The following CYP39A1 variants were observed in gnomAD, a reference collection of about 807,000 sequenced individuals.
CYP39A1 encodes the protein cytochrome P450 family 39 subfamily A member 1.
In CYP39A1, 49 loss-of-function variants were observed where a neutral mutation model predicts 58.1. The observed-to-expected ratio is 0.84, with a 90% confidence interval of 0.67 to 1.07. The LOEUF (loss-of-function observed/expected upper bound fraction) is 1.07, where lower values mean the gene tolerates loss of function less well. Among genes scored for constraint, CYP39A1 ranks in the 50% least tolerant of loss-of-function variants. The pLI, the probability that CYP39A1 is intolerant of heterozygous loss-of-function variation, is 0.00. For missense variants in CYP39A1, 531 were observed against 539.4 expected, an observed-to-expected ratio of 0.98 and a Z score of 0.16; for synonymous variants, 209 against 187.6, an observed-to-expected ratio of 1.11 and a Z score of -0.93.
chr6:46,618,555 A>C (rs1378927496), intron 7 of CYP39A1, among the ~76,000 whole-genome samples: 2 of 152,042 alleles, frequency 1.3e-5, no homozygotes, highest in Non-Finnish European at 2.9e-5. Flanking sequence ...ACCATAGGCA[A>C]AAAAAATGCT....
At chr6:46,569,994 T>C (rs1352982963) in intron 10 of CYP39A1, among the ~76,000 whole-genome samples, 1 of 152,102 alleles carries the variant, frequency 6.6e-6, no homozygotes, top group Non-Finnish European at 1.5e-5. Flanking sequence ...TTCATGGGCT[T>C]TTCTTTGATA....
intron 6 of CYP39A1, among the ~76,000 whole-genome samples, chr6:46,630,098 A>AAAAAC (rs1166532942): frequency 2.0e-5 from 3 of 150,896 alleles, no homozygotes; most frequent in South Asian, 2.1e-4. Context: ...ACCATCTCAA[A>AAAAAC]AAAACAAAAC....
intron 10 of CYP39A1, among the ~76,000 whole-genome samples, chr6:46,568,305 T>C (rs1377780014): frequency 6.6e-6 from 1 of 152,164 alleles, no homozygotes; most frequent in South Asian, 2.1e-4. Flanking sequence ...ACTAATACCC[T>C]TATCAGATAT....
chr6:46,627,523 ATTC>A (rs1775394613), intron 6 of CYP39A1, among the ~76,000 whole-genome samples: 1 of 151,304 alleles, frequency 6.6e-6, no homozygotes, highest in African/African-American at 2.4e-5. Context: ...GGTTCACACC[ATTC>A]TTCTGCCTCA....
At chr6:46,581,666 G>C (rs931541196) in intron 10 of CYP39A1, among the ~76,000 whole-genome samples, 1 of 152,008 alleles carries the variant, frequency 6.6e-6, no homozygotes, top group Admixed American at 6.6e-5. Context: ...GCATGGGAGG[G>C]GGGTGAGGCA....
chr6:46,647,370 C>A (rs560473886), intron 1 of CYP39A1, among the ~76,000 whole-genome samples: 3 of 152,330 alleles, frequency 2.0e-5, no homozygotes, highest in African/African-American at 7.2e-5. Context: ...TAGATGACTA[C>A]AGGTAAGACT....
chr6:46,582,799 G>T (rs1203374098), intron 10 of CYP39A1, among the ~76,000 whole-genome samples: 1 of 151,886 alleles, frequency 6.6e-6, no homozygotes, highest in Non-Finnish European at 1.5e-5. Context: ...ACTTGGGTGG[G>T]AATATAACAT....
intron 1 of CYP39A1, among the ~76,000 whole-genome samples, chr6:46,645,146 G>A (rs541825587): frequency 1.3e-5 from 2 of 152,110 alleles, no homozygotes; most frequent in East Asian, 3.9e-4. Flanking sequence ...ATTTTGATGA[G>A]GTTCAATTTA....
Position 46,642,274 on chromosome 6 carries a change from C to T in CYP39A1, c.202G>A (p.Ala68Thr), listed in dbSNP as rs1776386806. The change falls in exon 2 of 12, where the codon GCT becomes ACT. Residue 68 changes from alanine (A) to threonine (T), a missense_variant. Physicochemically the swap from Ala to Thr is moderately conservative, Grantham distance 58. Coordinates refer to ENST00000275016, the MANE Select transcript of CYP39A1 (RefSeq NM_016593.5). The stretch of plus-strand genomic sequence containing the variant: ...ACAAAGGTCATTCGGTTTCCCATAG[C>T]AAAGACTGTAAATATTGGTCCATAC... Reference protein sequence around the residue: ...IKYGPIFTVFAMGNRMTFVTE... With the variant: ...IKYGPIFTVFTMGNRMTFVTE... 6.2e-7 allele frequency: 1 copy of T among 1,612,602 alleles called. No homozygotes were observed. Among genetic ancestry groups the T allele is most frequent in the African/African-American group, 1.3e-5 (1 of 74,974 alleles).
intron 7 of CYP39A1, among the ~76,000 whole-genome samples, chr6:46,597,010 A>G (rs530462017): frequency 3.9e-5 from 6 of 152,212 alleles, no homozygotes; most frequent in South Asian, 2.1e-4. Context: ...TGAGTGGGTA[A>G]GAGTAGAACT....
chr6:46,596,282 T>G (rs890344575), intron 7 of CYP39A1, among the ~76,000 whole-genome samples, 162 bp from the exon 8 acceptor site: 1 of 152,086 alleles, frequency 6.6e-6, no homozygotes, highest in East Asian at 1.9e-4. Flanking sequence ...CTCTTTTTCT[T>G]TATCACTTTT....
chr6:46,581,977 A>C (rs1384710391), intron 10 of CYP39A1, among the ~76,000 whole-genome samples: 1 of 152,204 alleles, frequency 6.6e-6, no homozygotes, highest in African/African-American at 2.4e-5. Context: ...AGAAGAGAGA[A>C]GCATGGCTAA....
Position 46,652,516 on chromosome 6 carries a change from G to A in CYP39A1, c.67C>T (p.Arg23Trp), listed in dbSNP as rs911600643. 6.2e-6 allele frequency: 10 copies of A among 1,613,700 alleles called. No individual in the cohort carries two copies. In the African/African-American group the frequency reaches 1.2e-4, roughly 19 times the overall value. ...CACGGGGGTCTACGCAAATTCTTCC[G>A]CTGAAGGAGTAAGAACAGAGCAAGG... ...GCLALFLLLQ[R>W]KNLRRPPCIK... Residue 23 changes from arginine to tryptophan, a missense_variant, in exon 1 of 12, where the codon CGG (arginine) becomes TGG (tryptophan). Coordinates refer to ENST00000275016, the MANE Select transcript of CYP39A1 (RefSeq NM_016593.5).
chr6:46,609,834 T>C (rs1256231308), intron 7 of CYP39A1, among the ~76,000 whole-genome samples: 1 of 152,268 alleles, frequency 6.6e-6, no homozygotes, highest in Non-Finnish European at 1.5e-5. Flanking sequence ...TTTGGGTTTG[T>C]TGTTTCTTAA....
At chr6:46,588,520 T>C (rs955649435) in intron 8 of CYP39A1, among the ~76,000 whole-genome samples, 1 of 152,102 alleles carries the variant, frequency 6.6e-6, no homozygotes, top group Non-Finnish European at 1.5e-5. Flanking sequence ...CCAGAGTTCT[T>C]GAAGGCAGAA....
At chr6:46,643,632 G>A (rs575490652) in intron 1 of CYP39A1, among the ~76,000 whole-genome samples, 1 of 152,326 alleles carries the variant, frequency 6.6e-6, no homozygotes, top group East Asian at 1.9e-4. Context: ...ATAAGCACCT[G>A]GCCACAAGTG....
intron 7 of CYP39A1, among the ~76,000 whole-genome samples, chr6:46,623,675 T>C (rs1447997835): frequency 6.6e-6 from 1 of 152,164 alleles, no homozygotes; most frequent in Non-Finnish European, 1.5e-5. Context: ...TTGGTTCCAT[T>C]TCTCTGGAGA....
chr6:46,625,742 A>G (rs562410843), intron 6 of CYP39A1, among the ~76,000 whole-genome samples: 2 of 152,148 alleles, frequency 1.3e-5, no homozygotes, highest in East Asian at 3.9e-4. Context: ...ATTTAACTAT[A>G]TAATTTAAAT....
rs575216986 is a variant in CYP39A1 at position 46,607,352 on chromosome 6, T to G, written c.932-11232A>C. On this transcript the variant is annotated intron_variant, in intron 7 of 11. Transcript: ENST00000275016. The stretch of plus-strand genomic sequence containing the variant: ...TAAATTCCAAAATTAATCACAAAAA[T>G]TTCTTGGGCTTAAAAAAAAAAAAAG... Among the ~76,000 whole-genome samples, 8 of 150,782 alleles carry G rather than the reference T, an allele frequency of 5.3e-5. No homozygotes were observed. In the South Asian group the frequency reaches 1.3e-3, roughly 24 times the overall value.
Sources: gnomAD v4.1 joint callset for allele counts (sites outside exome capture counted in the v4.1 genomes callset) on GRCh38, gnomAD v4.1.1 for gene constraint, MANE v1.5 for transcripts, NCBI Gene and HGNC (gene_info 2026-07-23, HGNC 2026-07-21) for gene names.